DGAT2L6: variants seen among roughly 807,000 people sequenced by gnomAD.
The protein encoded by DGAT2L6 is diacylglycerol O-acyltransferase 2 like 6.
DGAT2L6 carries 22 observed loss-of-function variants against 25.5 expected under a neutral mutation model. The ratio of observed to expected loss-of-function variants is 0.86; its 90% CI spans 0.62 to 1.23. The LOEUF is 1.23. Ranked by LOEUF, DGAT2L6 falls within the 50% of genes most tolerant of loss-of-function variation. The probability of loss-of-function intolerance (pLI) is 0.00; values close to 1 mark genes in which losing one functional copy is unlikely to be tolerated. For missense variants in DGAT2L6, 287 were observed against 253.2 expected (o/e 1.13, Z -0.91); for synonymous variants, 100 against 94.7 (o/e 1.06, Z -0.32).
At position 70,200,128 on chromosome X, in the gene DGAT2L6, T is replaced by G. The variant is rs746564718; in HGVS notation, c.268-127T>G. 3 of 715,585 alleles carry G rather than the reference T, an allele frequency of 4.2e-6. No individual in the cohort carries two copies. The African/African-American group carries it at 6.4e-5, about 15-fold the overall frequency. The allele number at this position is 715,585 out of a possible 1,213,427, so 59.0% of individuals were successfully genotyped here. On this transcript the variant is annotated intron_variant, in intron 3 of 6. Coordinates refer to ENST00000333026, the MANE Select transcript of DGAT2L6 (RefSeq NM_198512.3). ...AGCCCTGGCAATCCTATGACAATGA[T>G]GACAACCTAGTGAACAGGGATTTGG... is the stretch of plus-strand genomic sequence containing the variant.
chrX:70,201,866 C>T (rs771887078), intron 4 of DGAT2L6, 24 bp from the exon 5 acceptor site: 2 of 1,144,528 alleles, frequency 1.7e-6, no homozygotes, highest in South Asian at 2.1e-5. Flanking sequence ...AGTTTTTCTA[C>T]CACTTGACTC....
intron 4 of DGAT2L6, among the ~76,000 whole-genome samples, chrX:70,201,326 C>A (rs1400006197): frequency 8.9e-6 from 1 of 112,309 alleles, no homozygotes; most frequent in Non-Finnish European, 1.9e-5. Flanking sequence ...GTGAGAAAGG[C>A]TAGATGATTG....
At chrX:70,196,114 G>C (rs1444928760) in intron 1 of DGAT2L6, among the ~76,000 whole-genome samples, 1 of 110,574 alleles carries the variant, frequency 9.0e-6, no homozygotes, top group Non-Finnish European at 1.9e-5. Flanking sequence ...CCATAAAACT[G>C]GTAAAAATGA....
chrX:70,180,405 C>T (rs975779382), intron 1 of DGAT2L6, among the ~76,000 whole-genome samples: 10 of 110,199 alleles, frequency 9.1e-5, no homozygotes, highest in African/African-American at 2.0e-4. Context: ...GCCAAGATTG[C>T]GCCACTGCAC....
At chrX:70,178,488 A>T (rs1243478812) in intron 1 of DGAT2L6, among the ~76,000 whole-genome samples, 1 of 111,042 alleles carries the variant, frequency 9.0e-6, no homozygotes, top group Non-Finnish European at 1.9e-5. Flanking sequence ...CCCAGGCTGG[A>T]GTGCAAACGG....
chrX:70,201,815 G>A (rs778644244), intron 4 of DGAT2L6, 75 bp from the exon 5 acceptor site: 21 of 1,015,790 alleles, frequency 2.1e-5, no homozygotes, highest in Non-Finnish European at 2.6e-5. Flanking sequence ...TCTCCAAAAG[G>A]AAGAGCCTGG....
chrX:70,205,265 A>G lies in DGAT2L6; in HGVS notation c.*159A>G, dbSNP rs1347603164. ...TAATAAATCAGAGTTCTAGCAATAG[A>G]GTCCTCTCCCAAGTGGCTGAGGCAG... On this transcript the variant is annotated 3_prime_UTR_variant, in exon 7 of 7. Coordinates refer to ENST00000333026, the MANE Select transcript of DGAT2L6 (RefSeq NM_198512.3). The G allele has an allele frequency of 6.2e-6, 4 of 647,984 alleles. No homozygotes were observed. Among genetic ancestry groups the G allele is most frequent in the African/African-American group, 4.7e-5 (2 of 42,785 alleles). The allele number at this position is 647,984 out of a possible 1,213,427, so 53.4% of individuals were successfully genotyped here. A position where few individuals can be genotyped will look rare whatever the true frequency, so the allele number is the denominator to read the frequency against.
At chrX:70,183,906 G>C (rs2083131183) in intron 1 of DGAT2L6, among the ~76,000 whole-genome samples, 1 of 110,528 alleles carries the variant, frequency 9.0e-6, no homozygotes, top group African/African-American at 3.3e-5. Flanking sequence ...CAGGCATGGT[G>C]GTGCATGCCT....
rs143280661 is a variant in DGAT2L6 at position 70,198,911 on chromosome X, G to A, written c.86-360G>A. Among the ~76,000 whole-genome samples the A allele has an allele frequency of 4.3e-3, 479 of 112,383 alleles. 3 individuals carry two copies. The highest frequency in any genetic ancestry group is 0.014 in the Middle Eastern group (3 of 218). ...TTATCAGTTCAGCACAGGAAAGAGG[G>A]TCAAGCTTTTAGAAAGAATTTCCAG... On this transcript the variant is annotated intron_variant, in intron 1 of 6. Coordinates refer to ENST00000333026, the MANE Select transcript of DGAT2L6 (RefSeq NM_198512.3).
chrX:70,188,362 T>C (rs1028240851), intron 1 of DGAT2L6, among the ~76,000 whole-genome samples: 1 of 111,327 alleles, frequency 9.0e-6, no homozygotes, highest in Admixed American at 9.5e-5. Context: ...CTGATGGTGC[T>C]GAAAAGAAAA....
At chrX:70,183,711 C>G (rs1345009438) in intron 1 of DGAT2L6, among the ~76,000 whole-genome samples, 2 of 111,304 alleles carry the variant, frequency 1.8e-5, no homozygotes, top group African/African-American at 6.5e-5. Context: ...TGGGCCTGCC[C>G]TCTTTCTCTG....
At chrX:70,201,633 T>C (rs2085410725) in intron 4 of DGAT2L6, among the ~76,000 whole-genome samples, 1 of 110,351 alleles carries the variant, frequency 9.1e-6, no homozygotes, top group African/African-American at 3.3e-5. Context: ...CAGTAGGCTA[T>C]GGATGGTAGG....
chrX:70,196,099 T>C (rs1372965450), intron 1 of DGAT2L6, among the ~76,000 whole-genome samples: 1 of 111,552 alleles, frequency 9.0e-6, no homozygotes, highest in Non-Finnish European at 1.9e-5. Flanking sequence ...TTGTAAATTA[T>C]ACCTCCATAA....
intron 1 of DGAT2L6, among the ~76,000 whole-genome samples, chrX:70,192,954 T>C (rs866761771): frequency 2.4e-4 from 27 of 111,702 alleles, no homozygotes; most frequent in Middle Eastern, 4.6e-3. Flanking sequence ...GAAATGCATA[T>C]GTTTCTAGAC....
At position 70,205,482 on chromosome X, in the gene DGAT2L6, C is replaced by T; in HGVS notation, c.*376C>T. On this transcript the variant is annotated 3_prime_UTR_variant, in exon 7 of 7. Coordinates refer to ENST00000333026, the MANE Select transcript of DGAT2L6 (RefSeq NM_198512.3). Reference sequence around the variant, plus strand: ...CCTAAACCTTAGTTCACCATCACTACGTAGGTTTAGACTTAGAAGCTTTAT... The same window carrying T: ...CCTAAACCTTAGTTCACCATCACTATGTAGGTTTAGACTTAGAAGCTTTAT... 1 of 138,321 alleles carries T rather than the reference C, an allele frequency of 7.2e-6. No homozygotes were observed. The highest frequency in any genetic ancestry group is 2.9e-3 in the Middle Eastern group (1 of 342). The allele number at this position is 138,321 out of a possible 1,213,427, so 11.4% of individuals were successfully genotyped here.
chrX:70,177,599 G>T lies in DGAT2L6; in HGVS notation c.17G>T (p.Arg6Leu), dbSNP rs761777135. MAFFS[R>L]LNLQEGLQTF... Reference sequence around the variant, plus strand: ...ACCATAACCATGGCTTTCTTCTCCCGACTGAATCTCCAGGAGGGCCTCCAA... The same window carrying T: ...ACCATAACCATGGCTTTCTTCTCCCTACTGAATCTCCAGGAGGGCCTCCAA... Residue 6 changes from arginine (R) to leucine (L), a missense_variant, in exon 1 of 7, where the codon CGA becomes CTA. Arg to Leu is a moderately radical substitution (Grantham distance 102). Coordinates refer to ENST00000333026, the MANE Select transcript of DGAT2L6 (RefSeq NM_198512.3). 1.7e-6 allele frequency: 2 copies of T among 1,210,672 alleles called. No homozygotes were observed. Among genetic ancestry groups the T allele is most frequent in the African/African-American group, 3.5e-5 (2 of 57,788 alleles).
intron 1 of DGAT2L6, among the ~76,000 whole-genome samples, chrX:70,192,140 C>T (rs1392344007): frequency 3.6e-5 from 4 of 111,577 alleles, no homozygotes; most frequent in Non-Finnish European, 7.5e-5. Context: ...GGACTTCCAG[C>T]TACTTGGGAA....
intron 1 of DGAT2L6, among the ~76,000 whole-genome samples, chrX:70,187,041 G>A (rs1358164286): frequency 1.8e-5 from 2 of 112,005 alleles, no homozygotes; most frequent in South Asian, 3.7e-4. Context: ...GTGGGAAATG[G>A]ATTGGAGGGG....
At chrX:70,191,422 G>A (rs1292858744) in intron 1 of DGAT2L6, among the ~76,000 whole-genome samples, 2 of 111,235 alleles carry the variant, frequency 1.8e-5, no homozygotes, top group East Asian at 5.6e-4. Flanking sequence ...GCAGAAGAAA[G>A]AAATGGGTAA....
Sources: gnomAD v4.1 joint callset for allele counts (sites outside exome capture counted in the v4.1 genomes callset) on GRCh38, gnomAD v4.1.1 for gene constraint, MANE v1.5 for transcripts, NCBI Gene and HGNC (gene_info 2026-07-23, HGNC 2026-07-21) for gene names.